The following NKAIN3 variants were observed in gnomAD, a reference collection of about 807,000 sequenced individuals.
NKAIN3 encodes the protein sodium/potassium-transporting ATPase subunit beta-1-interacting protein 3.
A neutral mutation model predicts 30.2 loss-of-function variants in NKAIN3; 25 were observed. That is an observed-to-expected ratio of 0.83 (90% CI 0.60 to 1.16). NKAIN3 has a LOEUF of 1.16. NKAIN3 is among the 50% of genes most tolerant of loss of function. The pLI is 0.00. For synonymous variants in NKAIN3, 91 were observed against 89.6 expected, an observed-to-expected ratio of 1.02 and a Z score of -0.09; for missense variants, 225 against 254.1, an observed-to-expected ratio of 0.89 and a Z score of 0.78.
chr8:62,634,314 T>C (rs911288536), intron 3 of NKAIN3, among the ~76,000 whole-genome samples: 8 of 152,160 alleles, frequency 5.3e-5, no homozygotes, highest in African/African-American at 1.7e-4. Flanking sequence ...GCTATTGGGT[T>C]ACCAGCTCCT....
chr8:62,261,744 T>C (rs1411596734), intron 1 of NKAIN3, among the ~76,000 whole-genome samples: 2 of 152,212 alleles, frequency 1.3e-5, no homozygotes, highest in Non-Finnish European at 2.9e-5. Flanking sequence ...CAAAACTTAT[T>C]TAGCTCATAA....
At chr8:62,786,528 G>GA (rs1000241098) in intron 4 of NKAIN3, among the ~76,000 whole-genome samples, 23 of 151,056 alleles carry the variant, frequency 1.5e-4, no homozygotes, top group Non-Finnish European at 2.1e-4. Flanking sequence ...TAGCAAAGTT[G>GA]AAAAAAAACA....
intron 5 of NKAIN3, among the ~76,000 whole-genome samples, chr8:62,950,621 G>C (rs931330392): frequency 2.0e-5 from 3 of 151,794 alleles, no homozygotes; most frequent in Admixed American, 6.6e-5. Flanking sequence ...CAAAAAACAA[G>C]TAACAGTTTA....
intron 4 of NKAIN3, among the ~76,000 whole-genome samples, chr8:62,901,083 C>G (rs1262592323): frequency 6.6e-6 from 1 of 152,118 alleles, no homozygotes; most frequent in African/African-American, 2.4e-5. Context: ...GACACAAAAT[C>G]TCAGATCCAA....
At chr8:62,733,148 T>A (rs1815534370) in intron 3 of NKAIN3, among the ~76,000 whole-genome samples, 1 of 152,162 alleles carries the variant, frequency 6.6e-6, no homozygotes. Flanking sequence ...TTAAAATTAA[T>A]CATTACTGCT....
chr8:62,250,070 T>C (rs545481871), intron 1 of NKAIN3, among the ~76,000 whole-genome samples: 104 of 152,318 alleles, frequency 6.8e-4, no homozygotes, highest in African/African-American at 2.1e-3. Flanking sequence ...CTTCCAAGCA[T>C]TGTATTTTTT....
chr8:62,856,735 C>G, intron 4 of NKAIN3: 1 of 694,018 alleles, frequency 1.4e-6, no homozygotes, highest in South Asian at 1.6e-5. Flanking sequence ...TTAAACTGGT[C>G]AAGCTCTAGA....
chr8:62,974,432 G>T lies in NKAIN3; in HGVS notation c.*9025G>T, dbSNP rs945676924. On this transcript the variant is annotated 3_prime_UTR_variant, in exon 7 of 7. Coordinates refer to ENST00000623646, the MANE Select transcript of NKAIN3 (RefSeq NM_001304533.3). ...TATTCTCTTTGTAGCAATTGTGAAT[G>T]GGAGTTTGTTCATGATTTGGCTCTC... Among the ~76,000 whole-genome samples the T allele has an allele frequency of 2.0e-5, 3 of 152,138 alleles. No homozygotes were observed. The highest frequency in any genetic ancestry group is 4.8e-5 in the African/African-American group (2 of 41,424).
chr8:62,599,590 T>A (rs1160679951), intron 3 of NKAIN3, among the ~76,000 whole-genome samples: 5 of 151,986 alleles, frequency 3.3e-5, no homozygotes, highest in African/African-American at 1.2e-4. Flanking sequence ...ACAATCCTCA[T>A]CCTGAAAACC....
rs1808559851 is a variant in NKAIN3, at chr8:62,533,762, A to G, written c.55-45777A>G. ...GGTCGTTTGTGTTATATTCACAGGA[A>G]TGGGAATTAAGCCTGAATTTTTAAA... On this transcript the variant is annotated intron_variant, in intron 1 of 6. Transcript: ENST00000623646. Among the ~76,000 whole-genome samples the G allele has an allele frequency of 2.0e-5, 3 of 152,338 alleles. No homozygotes were observed. In the South Asian group the frequency reaches 6.2e-4, roughly 32 times the overall value.
At chr8:62,500,853 C>T (rs1050925161) in intron 1 of NKAIN3, among the ~76,000 whole-genome samples, 1 of 152,068 alleles carries the variant, frequency 6.6e-6, no homozygotes, top group Non-Finnish European at 1.5e-5. Flanking sequence ...ACTATATTCT[C>T]TTGCCACTCT....
At chr8:62,279,756 A>C (rs896824784) in intron 1 of NKAIN3, among the ~76,000 whole-genome samples, 4 of 152,206 alleles carry the variant, frequency 2.6e-5, no homozygotes, top group Non-Finnish European at 5.9e-5. Context: ...TACCAGTACC[A>C]TGCTGTTTTG....
intron 4 of NKAIN3, among the ~76,000 whole-genome samples, chr8:62,912,724 A>G (rs1472529023): frequency 6.6e-6 from 1 of 152,090 alleles, no homozygotes; most frequent in African/African-American, 2.4e-5. Context: ...AGCCTGACCA[A>G]CATAGAGAAA....
chr8:62,671,794 C>T (rs1157955507), intron 3 of NKAIN3, among the ~76,000 whole-genome samples: 1 of 151,908 alleles, frequency 6.6e-6, no homozygotes, highest in African/African-American at 2.4e-5. Context: ...ATGGTATGTT[C>T]TTTAGGATAG....
At chr8:62,366,839 C>T (rs775565741) in intron 1 of NKAIN3, among the ~76,000 whole-genome samples, 16 of 152,070 alleles carry the variant, frequency 1.1e-4, no homozygotes, top group East Asian at 5.8e-4. Flanking sequence ...AGCTACAAAC[C>T]GCCCTCTTTG....
intron 3 of NKAIN3, among the ~76,000 whole-genome samples, chr8:62,713,927 T>C (rs567290597): frequency 6.6e-6 from 1 of 152,174 alleles, no homozygotes; most frequent in Non-Finnish European, 1.5e-5. Context: ...ACCAGAATTA[T>C]ATAAAACCAC....
At chr8:62,953,699 A>G (rs1823346021) in intron 5 of NKAIN3, among the ~76,000 whole-genome samples, 1 of 152,144 alleles carries the variant, frequency 6.6e-6, no homozygotes, top group Admixed American at 6.6e-5. Flanking sequence ...AGACCCTATG[A>G]ATCCAGGTTA....
At chr8:62,863,338 C>T (rs1265061265) in intron 4 of NKAIN3, 15 of 1,548,860 alleles carry the variant, frequency 9.7e-6, no homozygotes, top group Non-Finnish European at 1.2e-5. Flanking sequence ...TGCTTTCTGC[C>T]CCTCAGTGGT....
At chr8:62,579,466 C>T in intron 1 of NKAIN3, 73 bp from the exon 2 acceptor site, 1 of 1,198,708 alleles carries the variant, frequency 8.3e-7, no homozygotes, top group South Asian at 2.0e-5. Flanking sequence ...ACTCCTCCAG[C>T]CATGAGATAA....
Sources: allele counts gnomAD v4.1 joint callset (sites outside exome capture counted in the v4.1 genomes callset), GRCh38; gene constraint gnomAD v4.1.1; transcripts MANE v1.5; gene names NCBI Gene and HGNC (gene_info 2026-07-23, HGNC 2026-07-21).